Variants in MICB observed in about 807,000 individuals in gnomAD.
The protein encoded by MICB is MHC class I antigen-related protein B.
MICB carries 27 observed loss-of-function variants against 34.3 expected under a neutral mutation model. The observed-to-expected ratio is 0.79, with a 90% CI of 0.58 to 1.08. MICB has a LOEUF of 1.08. Ranked by LOEUF, MICB falls within the 50% of genes least tolerant of loss-of-function variation. MICB has a pLI of 0.00. For missense variants in MICB, 426 were observed against 483.1 expected (o/e 0.88, Z 1.11); for synonymous variants, 153 against 187.4 (o/e 0.82, Z 1.50).
Position 31,507,877 on chromosome 6 carries a change from C to T in MICB, c.1024+346C>T, listed in dbSNP as rs1024356271. On this transcript the variant is annotated intron_variant, in intron 5 of 5. Transcript: ENST00000252229. This position sits in a 1 kb window ranked among gnomAD's most constrained non-coding sequence, Gnocchi z 6.0. Reference sequence around the variant, plus strand: ...TCCAGGTGGGGTGAGTTGGGAATCACGTGCTGATTGCTGAGGGCCTGGATG... The same window carrying T: ...TCCAGGTGGGGTGAGTTGGGAATCATGTGCTGATTGCTGAGGGCCTGGATG... Among the ~76,000 whole-genome samples, 4 of 152,204 alleles carry T rather than the reference C, an allele frequency of 2.6e-5. No individual in the cohort carries two copies. The highest frequency in any genetic ancestry group is 4.4e-5 in the Non-Finnish European group (3 of 68,004).
rs183491983 is a variant in MICB, at chr6:31,501,990, C to A, written c.71-3627C>A. ...AAGAATGTCATTGGTGTTTTGATAGCAATTGCATTGAATTTGTAGATTGCT... is the reference window on the plus strand; with the variant it reads ...AAGAATGTCATTGGTGTTTTGATAGAAATTGCATTGAATTTGTAGATTGCT... On this transcript the variant is annotated intron_variant, in intron 1 of 5. Coordinates refer to ENST00000252229, the MANE Select transcript of MICB (RefSeq NM_005931.5). Among the ~76,000 whole-genome samples the A allele has an allele frequency of 8.5e-3, 1,299 of 152,156 alleles. 20 individuals carry two copies. The highest frequency in any genetic ancestry group is 0.028 in the African/African-American group (1,141 of 41,466).
chr6:31,509,903 C>T lies in MICB; in HGVS notation c.1146C>T (p.Gly382=), dbSNP rs541452071. The change falls in exon 6 of 6, where the codon GGC becomes GGT. Residue 382 remains glycine (G), a synonymous_variant. Transcript: ENST00000252229. ...CTGGGTCCACTGGTTCCACTGAGGG[C>T]ACCTAGACTCTACAGCCAGGCGGCC... ...SATGSTGSTE[G]T 1.3e-4 allele frequency: 206 copies of T among 1,607,714 alleles called. 3 individuals are homozygous for T. The highest frequency in any genetic ancestry group is 7.8e-4 in the South Asian group (70 of 90,148).
chr6:31,510,177 A>G lies in MICB; in HGVS notation c.*268A>G. 3.0e-6 allele frequency: 1 copy of G among 335,346 alleles called. No homozygotes were observed. The highest frequency in any genetic ancestry group is 4.6e-5 in the Admixed American group (1 of 21,534). The allele number at this position is 335,346 out of a possible 1,614,324, so 20.8% of individuals were successfully genotyped here. A position where few individuals can be genotyped will look rare whatever the true frequency, so the allele number is the denominator to read the frequency against. On this transcript the variant is annotated 3_prime_UTR_variant, in exon 6 of 6. Coordinates refer to ENST00000252229, the MANE Select transcript of MICB (RefSeq NM_005931.5). ...AATGCAGGATGTGGGCAAACTCACG[A>G]CTGCTCCTGCCAACAGAAGGTTTGC...
intron 1 of MICB, among the ~76,000 whole-genome samples, chr6:31,498,984 G>A (rs1764866078): frequency 6.6e-6 from 1 of 150,598 alleles, no homozygotes; most frequent in Admixed American, 6.6e-5. Context: ...GCTGGGGGCG[G>A]ATCTCAGGTC....
Position 31,507,650 on chromosome 6 carries a change from G to C in MICB, c.1024+119G>C. On this transcript the variant is annotated intron_variant, in intron 5 of 5. Transcript: ENST00000252229. This position sits in a 1 kb window ranked among gnomAD's most constrained non-coding sequence, Gnocchi z 6.0. ...AAGGCTGCTGGGACAGGGGATGGAA[G>C]CTGGGGTATTTGGGAGGGGAATGGG... 2 of 1,264,998 alleles carry C rather than the reference G, an allele frequency of 1.6e-6. No individual in the cohort carries two copies. Among genetic ancestry groups the C allele is most frequent in the South Asian group, 2.8e-5 (2 of 72,580 alleles). 78.4% of individuals were successfully genotyped at this position (1,264,998 alleles called of 1,614,324 possible). A position where few individuals can be genotyped will look rare whatever the true frequency, so the allele number is the denominator to read the frequency against.
intron 1 of MICB, among the ~76,000 whole-genome samples, chr6:31,499,961 C>T (rs1319618172): frequency 2.7e-5 from 4 of 150,216 alleles, no homozygotes; most frequent in Non-Finnish European, 4.4e-5. Flanking sequence ...CCCTCCTGTC[C>T]TCACCCTACC....
upstream of MICB, among the ~76,000 whole-genome samples, chr6:31,496,191 G>A: frequency 7.1e-6 from 1 of 141,306 alleles, no homozygotes; most frequent in East Asian, 2.2e-4. Context: ...CTGGGGACAA[G>A]CCAATTCTCT....
chr6:31,501,176 A>T (rs1765001989), intron 1 of MICB, among the ~76,000 whole-genome samples: 1 of 152,162 alleles, frequency 6.6e-6, no homozygotes, highest in African/African-American at 2.4e-5. Flanking sequence ...CCTTCATCTG[A>T]TGACGAATGA....
chr6:31,498,541 C>T, intron 1 of MICB: 1 of 178,970 alleles, frequency 5.6e-6, no homozygotes, highest in Non-Finnish European at 1.2e-5. Context: ...GATCTTGGCT[C>T]ACTGCAAGCG....
At position 31,498,216 on chromosome 6, in the gene MICB, T is replaced by A; in HGVS notation, c.23T>A (p.Leu8Gln). ...GCCATGGGGCTGGGCCGGGTCCTGC[T>A]GTTTCTGGCCGTCGCCTTCCCTTTT... Reference protein sequence around the residue: MGLGRVLLFLAVAFPFAP... With the variant: MGLGRVLQFLAVAFPFAP... The change falls in exon 1 of 6, where the codon CTG (leucine) becomes CAG (glutamine). Residue 8 changes from leucine to glutamine, a missense_variant. Physicochemically the swap from Leu to Gln is moderately radical, Grantham distance 113. Coordinates refer to ENST00000252229, the MANE Select transcript of MICB (RefSeq NM_005931.5). 1.3e-6 allele frequency: 2 copies of A among 1,586,178 alleles called. No homozygotes were observed. The highest frequency in any genetic ancestry group is 1.7e-5 in the Admixed American group (1 of 58,942).
chr6:31,504,372 G>A (rs2534659), intron 1 of MICB, among the ~76,000 whole-genome samples: 97,694 of 148,524 alleles, frequency 0.66, 32,063 homozygotes, highest in East Asian at 0.74. Context: ...CCATTCTCCC[G>A]CCTCAGCCTC....
chr6:31,502,691 A>G (rs542772426), intron 1 of MICB, among the ~76,000 whole-genome samples: 7 of 152,332 alleles, frequency 4.6e-5, no homozygotes, highest in African/African-American at 1.7e-4. Context: ...TGTGCAAACA[A>G]GGATAATTTG....
intron 1 of MICB, among the ~76,000 whole-genome samples, chr6:31,501,381 A>G (rs138204746): frequency 2.0e-5 from 3 of 152,196 alleles, no homozygotes; most frequent in Admixed American, 6.5e-5. Flanking sequence ...CCATTCTTGG[A>G]TGGTCTCTTC....
At position 31,503,547 on chromosome 6, in the gene MICB, G is replaced by A. The variant is rs112036541; in HGVS notation, c.71-2070G>A. Among the ~76,000 whole-genome samples, 778 of 152,052 alleles carry A rather than the reference G, an allele frequency of 5.1e-3. 10 individuals carry two copies. Among genetic ancestry groups the A allele is most frequent in the African/African-American group, 0.017 (710 of 41,458 alleles). On this transcript the variant is annotated intron_variant, in intron 1 of 5. Transcript: ENST00000252229. ...CTAGGTACCTCATTTAAGTAGAATC[G>A]TGTAATGTTTGTCTTTTTGATTCTG...
chr6:31,506,423 G>A lies in MICB; in HGVS notation c.606G>A (p.Arg202=), dbSNP rs1440654805. 6.2e-7 allele frequency: 1 copy of A among 1,613,906 alleles called. No homozygotes were observed. Residue 202 remains arginine (R), a synonymous_variant, in exon 3 of 6, where the codon AGG becomes AGA. Coordinates refer to ENST00000252229, the MANE Select transcript of MICB (RefSeq NM_005931.5). ...ATCTGAAATCCGGGGTGGCCATCAG[G>A]AGAACAGGTACCGACCCTGGCCAGG... The part of the protein sequence containing the change: ...QRYLKSGVAI[R]RTVPPMVNVT...
chr6:31,505,941 CTG>C, intron 2 of MICB, 70 bp downstream of exon 2: 1 of 1,517,190 alleles, frequency 6.6e-7, no homozygotes. Context: ...GAGCAGGGAC[CTG>C]TCTCTTCCCG....
At chr6:31,506,661 C>T (rs1765347894) in intron 3 of MICB, among the ~76,000 whole-genome samples, 1 of 152,180 alleles carries the variant, frequency 6.6e-6, no homozygotes, top group African/African-American at 2.4e-5. Flanking sequence ...CTGACAGAAG[C>T]CTGAGCCTGG....
At chr6:31,505,319 C>G (rs1471949204) in intron 1 of MICB, among the ~76,000 whole-genome samples, 2 of 152,228 alleles carry the variant, frequency 1.3e-5, no homozygotes, top group Non-Finnish European at 2.9e-5. Context: ...CCTCCCTTGC[C>G]CCTGCAGGGC....
At chr6:31,506,743 C>G (rs1349298522) in intron 3 of MICB, among the ~76,000 whole-genome samples, 1 of 152,134 alleles carries the variant, frequency 6.6e-6, no homozygotes, top group Non-Finnish European at 1.5e-5. Context: ...CTGCCCATCC[C>G]GGAGAGTTCC....
Sources: gnomAD v4.1 joint callset for allele counts (sites outside exome capture counted in the v4.1 genomes callset) on GRCh38, gnomAD v4.1.1 for gene constraint, Gnocchi (gnomAD v3.1) non-coding constraint, MANE v1.5 for transcripts, NCBI Gene and HGNC (gene_info 2026-07-23, HGNC 2026-07-21) for gene names.